Variants in KIAA0825 observed in about 807,000 individuals in gnomAD.
The protein encoded by KIAA0825 is KIAA0825, also known as uncharacterized protein KIAA0825.
In KIAA0825, 119 loss-of-function variants were observed where a neutral mutation model predicts 147.6. That is an observed-to-expected ratio of 0.81 (90% confidence interval 0.69 to 0.94). The LOEUF (loss-of-function observed/expected upper bound fraction) is 0.94. Among genes scored for constraint, KIAA0825 ranks in the 40% least tolerant of loss-of-function variants. The pLI is 0.00. For synonymous variants in KIAA0825, 470 were observed against 518.1 expected, an observed-to-expected ratio of 0.91 and a Z score of 1.26; for missense variants, 1,381 against 1,472.7, an observed-to-expected ratio of 0.94 and a Z score of 1.02.
intron 16 of KIAA0825, among the ~76,000 whole-genome samples, chr5:94,402,314 T>A (rs1751490447): frequency 6.6e-6 from 1 of 152,154 alleles, no homozygotes; most frequent in African/African-American, 2.4e-5. Context: ...ATAGTGCTAC[T>A]CATATGGCAT....
intron 20 of KIAA0825, among the ~76,000 whole-genome samples, chr5:94,199,522 C>CAGCT (rs1165343592): frequency 6.6e-6 from 1 of 152,052 alleles, no homozygotes; most frequent in East Asian, 1.9e-4. Context: ...ACCAGTGAGG[C>CAGCT]AGCTGAGGGT....
chr5:94,481,250 A>G (rs1762466534), intron 6 of KIAA0825, among the ~76,000 whole-genome samples: 2 of 152,042 alleles, frequency 1.3e-5, no homozygotes, highest in South Asian at 4.1e-4. Flanking sequence ...CTTCCCCTAC[A>G]GAGTTCTTTG....
intron 15 of KIAA0825, among the ~76,000 whole-genome samples, chr5:94,405,721 A>G (rs920102743): frequency 6.6e-6 from 1 of 152,164 alleles, no homozygotes; most frequent in African/African-American, 2.4e-5. Flanking sequence ...TAGAACAGAC[A>G]GTAAGTAGTA....
At chr5:94,322,419 A>G (rs1019543806) in intron 20 of KIAA0825, among the ~76,000 whole-genome samples, 1 of 151,916 alleles carries the variant, frequency 6.6e-6, no homozygotes, top group African/African-American at 2.4e-5. Flanking sequence ...TACGTAATCT[A>G]ACTGCCAAAT....
intron 20 of KIAA0825, among the ~76,000 whole-genome samples, chr5:94,160,566 T>C (rs1448285619): frequency 6.7e-6 from 1 of 148,398 alleles, no homozygotes; most frequent in Admixed American, 6.8e-5. Flanking sequence ...GTATAAATAC[T>C]GTATGTGTAT....
At chr5:94,601,015 T>C (rs1237998199) in intron 1 of KIAA0825, among the ~76,000 whole-genome samples, 2 of 152,170 alleles carry the variant, frequency 1.3e-5, no homozygotes, top group African/African-American at 4.8e-5. Flanking sequence ...TTCCAGCCTC[T>C]AGGCTTCAGA....
chr5:94,155,578 T>A (rs1328798544), intron 20 of KIAA0825, among the ~76,000 whole-genome samples: 1 of 152,094 alleles, frequency 6.6e-6, no homozygotes, highest in East Asian at 1.9e-4. Context: ...TGGCCAGTCC[T>A]GGCAGTCATA....
chr5:94,534,452 T>C (rs910931435), intron 3 of KIAA0825, among the ~76,000 whole-genome samples: 5 of 152,216 alleles, frequency 3.3e-5, no homozygotes, highest in African/African-American at 1.2e-4. Flanking sequence ...CTAAATGTAG[T>C]ATACAGCACA....
At chr5:94,276,129 C>T (rs1397261977) in intron 20 of KIAA0825, among the ~76,000 whole-genome samples, 1 of 152,078 alleles carries the variant, frequency 6.6e-6, no homozygotes, top group East Asian at 1.9e-4. Flanking sequence ...AGTGAAATAT[C>T]TTTATTAAGT....
intron 20 of KIAA0825, among the ~76,000 whole-genome samples, chr5:94,210,643 GAACT>G (rs759104493): frequency 1.3e-5 from 2 of 152,106 alleles, no homozygotes; most frequent in South Asian, 2.1e-4. Context: ...ACCTTTCAAT[GAACT>G]AACTAAAAAT....
intron 5 of KIAA0825, among the ~76,000 whole-genome samples, chr5:94,502,655 T>A (rs1335425365): frequency 6.6e-6 from 1 of 152,174 alleles, no homozygotes; most frequent in Non-Finnish European, 1.5e-5. Flanking sequence ...GTAATAGAAA[T>A]GTATCACTTT....
chr5:94,612,623 T>C (rs993776535), intron 1 of KIAA0825, among the ~76,000 whole-genome samples: 1 of 152,198 alleles, frequency 6.6e-6, no homozygotes, highest in East Asian at 1.9e-4. Context: ...TAAAGTGCCT[T>C]ACTACACCAG....
chr5:94,472,547 A>G (rs1220484917), intron 8 of KIAA0825, among the ~76,000 whole-genome samples: 1 of 152,142 alleles, frequency 6.6e-6, no homozygotes, highest in East Asian at 1.9e-4. Context: ...GATTGAGACC[A>G]TCCTGACTAA....
chr5:94,494,373 A>G (rs535385903), intron 5 of KIAA0825, among the ~76,000 whole-genome samples: 1 of 127,724 alleles, frequency 7.8e-6, no homozygotes, highest in Non-Finnish European at 1.6e-5. Context: ...CTAACTACTG[A>G]TGTGGCCAGT....
intron 20 of KIAA0825, among the ~76,000 whole-genome samples, chr5:94,223,949 T>C (rs1178507378): frequency 2.0e-5 from 3 of 152,110 alleles, no homozygotes; most frequent in Middle Eastern, 3.2e-3. Context: ...ATCCTCTGCA[T>C]TTGAAAGAGC....
At chr5:94,402,315 C>T (rs78248976) in intron 16 of KIAA0825, among the ~76,000 whole-genome samples, 3,570 of 152,152 alleles carry the variant, frequency 0.023, 121 homozygotes, top group African/African-American at 0.081. Flanking sequence ...TAGTGCTACT[C>T]ATATGGCATG....
intron 20 of KIAA0825, among the ~76,000 whole-genome samples, chr5:94,307,288 C>T (rs947201076): frequency 1.3e-5 from 2 of 151,776 alleles, no homozygotes; most frequent in Non-Finnish European, 2.9e-5. Flanking sequence ...TTCCCTTGTG[C>T]CTGACAGGCT....
chr5:94,414,158 G>A (rs1004644135), intron 15 of KIAA0825: 2 of 152,112 alleles, frequency 1.3e-5, no homozygotes, highest in African/African-American at 4.8e-5. Flanking sequence ...TTTTCCCAAA[G>A]GTTGGGAGAA....
At chr5:94,212,994 T>C (rs1056625268) in intron 20 of KIAA0825, among the ~76,000 whole-genome samples, 1 of 152,228 alleles carries the variant, frequency 6.6e-6, no homozygotes, top group Non-Finnish European at 1.5e-5. Context: ...TAAAATACAT[T>C]ATGTACATTA....
Sources: gnomAD v4.1 joint callset for allele counts (sites outside exome capture counted in the v4.1 genomes callset) on GRCh38, gnomAD v4.1.1 for gene constraint, MANE v1.5 for transcripts, NCBI Gene and HGNC (gene_info 2026-07-23, HGNC 2026-07-21) for gene names.